CBL: variants seen among roughly 807,000 people sequenced by gnomAD.
CBL encodes the protein Cbl proto-oncogene.
CBL carries 45 observed loss-of-function variants against 96.9 expected under a neutral mutation model. The observed-to-expected ratio is 0.46, with a 90% CI of 0.37 to 0.60. The LOEUF is 0.60. CBL is among the 20% of genes least tolerant of loss of function. The pLI is 0.00. For synonymous variants in CBL, 420 were observed against 426.8 expected (o/e 0.98, Z 0.20); for missense variants, 1,024 against 1,143.5 (o/e 0.90, Z 1.51).
chr11:119,247,200 C>T (rs530317127), intron 2 of CBL, among the ~76,000 whole-genome samples: 3 of 152,198 alleles, frequency 2.0e-5, no homozygotes, highest in East Asian at 3.9e-4. Flanking sequence ...TGTTCCATAC[C>T]GTACATGAAA....
At chr11:119,212,211 A>G (rs1203194842) in intron 1 of CBL, among the ~76,000 whole-genome samples, 1 of 152,008 alleles carries the variant, frequency 6.6e-6, no homozygotes, top group Admixed American at 6.6e-5. Flanking sequence ...CTTTATTTTT[A>G]ATTAGCTTAT....
At chr11:119,226,072 C>A (rs1949456390) in intron 1 of CBL, among the ~76,000 whole-genome samples, 1 of 152,152 alleles carries the variant, frequency 6.6e-6, no homozygotes, top group Non-Finnish European at 1.5e-5. Flanking sequence ...TGGTTTGAAC[C>A]TTTTAAGGGC....
chr11:119,256,884 GA>G (rs1949716102), intron 2 of CBL, among the ~76,000 whole-genome samples: 1 of 152,010 alleles, frequency 6.6e-6, no homozygotes, highest in Non-Finnish European at 1.5e-5. Context: ...CAAGTTGCTG[GA>G]AAAGACATTA....
chr11:119,288,449 C>T (rs1446614998), intron 12 of CBL, among the ~76,000 whole-genome samples: 1 of 150,484 alleles, frequency 6.6e-6, no homozygotes, highest in Non-Finnish European at 1.5e-5. Context: ...TATGTCCTTA[C>T]ATGGCCATCC....
At chr11:119,292,431 C>A (rs1406687048) in intron 12 of CBL, among the ~76,000 whole-genome samples, 1 of 104,264 alleles carries the variant, frequency 9.6e-6, no homozygotes, top group Non-Finnish European at 2.1e-5. Context: ...TTTTTCTTTT[C>A]TTTTTTTGAG....
At chr11:119,250,644 C>G (rs988305444) in intron 2 of CBL, among the ~76,000 whole-genome samples, 2 of 152,144 alleles carry the variant, frequency 1.3e-5, no homozygotes, top group African/African-American at 4.8e-5. Flanking sequence ...CCGCTATTGC[C>G]TGGTGTCCAG....
Position 119,230,301 on chromosome 11 carries a change from C to G in CBL, c.196-2147C>G, listed in dbSNP as rs560013948. On this transcript the variant is annotated intron_variant, in intron 1 of 15. Coordinates refer to ENST00000264033, the MANE Select transcript of CBL (RefSeq NM_005188.4). ...CCGAGTAGCTGGGACTACAGGCGCC[C>G]GCCACCACGCCCGGCTAATTTTTAG... 1.2e-3 allele frequency among the ~76,000 whole-genome samples: 187 copies of G among 152,022 alleles called. 1 individual carries two copies. Among genetic ancestry groups the G allele is most frequent in the Admixed American group, 2.2e-3 (33 of 15,254 alleles).
intron 12 of CBL, among the ~76,000 whole-genome samples, chr11:119,293,414 C>CT (rs1565270908): frequency 3.3e-5 from 5 of 151,816 alleles, no homozygotes; most frequent in Admixed American, 1.3e-4. Flanking sequence ...ATCCCATCTT[C>CT]TTTTTTTTAT....
intron 1 of CBL, among the ~76,000 whole-genome samples, chr11:119,226,264 C>T (rs2135261366): frequency 6.6e-6 from 1 of 152,232 alleles, no homozygotes; most frequent in East Asian, 1.9e-4. Flanking sequence ...ATATGAGGTC[C>T]ACTATTCTGT....
At chr11:119,285,711 C>T (rs1949980033) in intron 11 of CBL, 145 bp downstream of exon 11, 9 of 887,994 alleles carry the variant, frequency 1.0e-5, no homozygotes, top group South Asian at 4.4e-5. Flanking sequence ...GCCTGGGGGA[C>T]GTAGTGAAAC....
rs1225981459 is a variant in CBL, at chr11:119,303,458, T to A, written c.*3677T>A. On this transcript the variant is annotated 3_prime_UTR_variant, in exon 16 of 16. Coordinates refer to ENST00000264033, the MANE Select transcript of CBL (RefSeq NM_005188.4). ...TTGGCGCCACATAGTAGTTTACTAA[T>A]GTTTGGGGGATTGTACTTGGACTGT... 1.7e-5 allele frequency: 4 copies of A among 233,490 alleles called. No homozygotes were observed. The highest frequency in any genetic ancestry group is 3.4e-5 in the Non-Finnish European group (4 of 117,990). 14.5% of individuals were successfully genotyped at this position (233,490 alleles called of 1,614,324 possible). A position where few individuals can be genotyped will look rare whatever the true frequency, so the allele number is the denominator to read the frequency against.
At position 119,244,581 on chromosome 11, in the gene CBL, A is replaced by ATTTTTTTTTTTTT. The variant is rs532837579; in HGVS notation, c.443+11892_443+11904dup. Among the ~76,000 whole-genome samples, 46 of 104,376 alleles carry ATTTTTTTTTTTTT rather than the reference A, an allele frequency of 4.4e-4. 1 individual carries two copies. The highest frequency in any genetic ancestry group is 1.5e-3 in the African/African-American group (36 of 24,344). The allele number at this position is 104,376 out of a possible 152,430, so 68.5% of individuals were successfully genotyped here. A position where few individuals can be genotyped will look rare whatever the true frequency, so the allele number is the denominator to read the frequency against. On this transcript the variant is annotated intron_variant, in intron 2 of 15. Coordinates refer to ENST00000264033, the MANE Select transcript of CBL (RefSeq NM_005188.4). ...AGGTGCATGCTACCATGCCCGGCTA[A>ATTTTTTTTTTTTT]TTTTTTTTTTTTTTTTTTGAGACGG...
intron 2 of CBL, among the ~76,000 whole-genome samples, chr11:119,239,580 A>G (rs548876911): frequency 1.3e-5 from 2 of 152,072 alleles, no homozygotes; most frequent in Admixed American, 6.6e-5. Flanking sequence ...TTCTGCATGC[A>G]TTTTATCTCT....
intron 2 of CBL, among the ~76,000 whole-genome samples, chr11:119,244,680 C>T (rs926819455): frequency 6.6e-6 from 1 of 150,932 alleles, no homozygotes; most frequent in Non-Finnish European, 1.5e-5. Flanking sequence ...CTCCCGGGTT[C>T]ATGCCATTCT....
chr11:119,244,583 T>A (rs1453981314), intron 2 of CBL, among the ~76,000 whole-genome samples: 1 of 132,644 alleles, frequency 7.5e-6, no homozygotes, highest in African/African-American at 3.1e-5. Flanking sequence ...CCCGGCTAAT[T>A]TTTTTTTTTT....
At chr11:119,274,739 T>C in intron 4 of CBL, 93 bp from the exon 5 acceptor site, 2 of 1,188,852 alleles carry the variant, frequency 1.7e-6, no homozygotes, top group African/African-American at 1.5e-5. Context: ...GACAATGAAC[T>C]GAGAGTTGGT....
chr11:119,257,625 G>A (rs570465511), intron 2 of CBL, among the ~76,000 whole-genome samples: 2 of 152,060 alleles, frequency 1.3e-5, no homozygotes, highest in Non-Finnish European at 2.9e-5. Context: ...CTTTGCCTAG[G>A]TCAATGTCCA....
At chr11:119,231,440 C>T (rs1949501139) in intron 1 of CBL, among the ~76,000 whole-genome samples, 1 of 146,918 alleles carries the variant, frequency 6.8e-6, no homozygotes, top group Admixed American at 6.7e-5. Context: ...GCCTGTAATC[C>T]CAGCAAAGTG....
intron 1 of CBL, among the ~76,000 whole-genome samples, chr11:119,221,105 G>A (rs1378014686): frequency 1.3e-5 from 2 of 151,950 alleles, no homozygotes; most frequent in Non-Finnish European, 2.9e-5. Context: ...TTAGCCGGGC[G>A]TGGTAGTGCG....
Sources: gnomAD v4.1 joint callset for allele counts (sites outside exome capture counted in the v4.1 genomes callset) on GRCh38, gnomAD v4.1.1 for gene constraint, MANE v1.5 for transcripts, NCBI Gene and HGNC (gene_info 2026-07-23, HGNC 2026-07-21) for gene names.